EVPL: variants seen among roughly 807,000 people sequenced by gnomAD.
The protein encoded by EVPL is envoplakin.
EVPL carries 94 observed loss-of-function variants against 129.7 expected under a neutral mutation model. That is an observed-to-expected ratio of 0.72 (90% CI 0.61 to 0.86). The LOEUF (loss-of-function observed/expected upper bound fraction) is 0.86. Ranked by LOEUF, EVPL falls within the 40% of genes least tolerant of loss-of-function variation. The pLI, the probability that EVPL is intolerant of heterozygous loss-of-function variation, is 0.00. For missense variants in EVPL, 2,625 were observed against 2,721.1 expected (o/e 0.96, Z 0.79); for synonymous variants, 1,172 against 1,191.1 (o/e 0.98, Z 0.33).
rs142559911 is a variant in EVPL, at chr17:76,013,748, G to A, written c.2373+678C>T. ...CCACCCTGGCTCCTCGTGGGCCTCC[G>A]TGTCTTCATTCCCACCCTCTTAGTC... On this transcript the variant is annotated intron_variant, in intron 18 of 21. Coordinates refer to ENST00000301607, the MANE Select transcript of EVPL (RefSeq NM_001988.4). This position sits in a 1 kb window ranked among gnomAD's most constrained non-coding sequence, Gnocchi z 4.3. Among the ~76,000 whole-genome samples the A allele has an allele frequency of 9.2e-5, 14 of 152,234 alleles. No homozygotes were observed. Among genetic ancestry groups the A allele is most frequent in the African/African-American group, 2.4e-4 (10 of 41,524 alleles).
chr17:76,019,542 G>C lies in EVPL; in HGVS notation c.1123C>G (p.Leu375Val). The part of the protein sequence containing the change: ...GGPPGAPTEL[L>V]QQLEAEEKRL... The stretch of plus-strand genomic sequence containing the variant: ...GGTTGTCTCACCTCCAGCTGTTGCA[G>C]CAGCTCTGTGGGGGCGCCAGGGGGG... The change falls in exon 10 of 22, where the codon CTG becomes GTG. Residue 375 changes from leucine (L) to valine (V), a missense_variant. Around this residue, in one of 4 missense-constraint regions of EVPL, gnomAD observed 1,024 missense variants for 997.5 expected, o/e 1.03. Coordinates refer to ENST00000301607, the MANE Select transcript of EVPL (RefSeq NM_001988.4). 1 of 1,561,666 alleles carries C rather than the reference G, an allele frequency of 6.4e-7. No homozygotes were observed.
chr17:76,017,769 C>A lies in EVPL; in HGVS notation c.1680G>T (p.Glu560Asp), dbSNP rs752772971. ...RAPLSRPTPL[E>D]DLEGRIHSHE... ...GGCTGTGGATGCGGCCCTCCAAGTC[C>A]TCCAAGGGTGTGGGGCGGCTCAGCG... is the stretch of plus-strand genomic sequence containing the variant. The change falls in exon 14 of 22, where the codon GAG (glutamate) becomes GAT (aspartate). Residue 560 changes from glutamate (E) to aspartate (D), a missense_variant. Physicochemically the swap from Glu to Asp is conservative, Grantham distance 45. This residue lies in a region of EVPL where 1,024 missense variants were observed against 997.5 expected (regional missense o/e 1.03). Transcript: ENST00000301607. The A allele has an allele frequency of 1.9e-6, 3 of 1,613,034 alleles. No individual in the cohort carries two copies. Among genetic ancestry groups the A allele is most frequent in the Non-Finnish European group, 2.5e-6 (3 of 1,179,992 alleles).
chr17:76,022,371 C>T lies in EVPL; in HGVS notation c.606+42G>A, dbSNP rs1054375528. The T allele has an allele frequency of 6.2e-7, 1 of 1,611,718 alleles. No individual in the cohort carries two copies. Among genetic ancestry groups the T allele is most frequent in the African/African-American group, 1.3e-5 (1 of 74,906 alleles). On this transcript the variant is annotated intron_variant, in intron 5 of 21. Coordinates refer to ENST00000301607, the MANE Select transcript of EVPL (RefSeq NM_001988.4). This position sits in a 1 kb window ranked among gnomAD's most constrained non-coding sequence, Gnocchi z 5.6. ...CTCCGGCTCTGACTGGAGAAACGGG[C>T]TGGGGCTGGCCCCGGATGTGACATC...
Position 76,022,220 on chromosome 17 carries a change from G to A in EVPL, c.614C>T (p.Ala205Val), listed in dbSNP as rs1343308552. The change falls in exon 6 of 22, where the codon GCC (alanine) becomes GTC (valine). Residue 205 changes from alanine to valine, a missense_variant. Physicochemically the swap from Ala to Val is moderately conservative, Grantham distance 64 (BLOSUM62 0). Around this residue, in one of 4 missense-constraint regions of EVPL, gnomAD observed 1,024 missense variants for 997.5 expected, o/e 1.03. Transcript: ENST00000301607. This position sits in a 1 kb window ranked among gnomAD's most constrained non-coding sequence, Gnocchi z 5.6. Reference sequence around the variant, plus strand: ...GTCTCGGTATTGGCTCCGGATGGTGGCTGCATCCTGCCTCGACCAAGGGGA... The same window carrying A: ...GTCTCGGTATTGGCTCCGGATGGTGACTGCATCCTGCCTCGACCAAGGGGA... ...QLRSLVGPDA[A>V]TIRSQYRDLL... The A allele has an allele frequency of 6.2e-7, 1 of 1,613,236 alleles. No homozygotes were observed. Among genetic ancestry groups the A allele is most frequent in the Non-Finnish European group, 8.5e-7 (1 of 1,179,884 alleles).
rs755416190 is a variant in EVPL, at chr17:76,011,810, G to A, written c.2530C>T (p.Pro844Ser). The A allele has an allele frequency of 3.1e-6, 5 of 1,612,512 alleles. No individual in the cohort carries two copies. In the South Asian group the frequency reaches 5.5e-5, roughly 18 times the overall value. Residue 844 changes from proline (P) to serine (S), a missense_variant, in exon 20 of 22, where the codon CCC (proline) becomes TCC (serine). Physicochemically the swap from Pro to Ser is moderately conservative, Grantham distance 74. Transcript: ENST00000301607. Reference protein sequence around the residue: ...PTLAVSAPKRPRVAPLQESIQ... With the variant: ...PTLAVSAPKRSRVAPLQESIQ... ...CTCTCTTGCAGGGGAGCCACTCGGG[G>A]TCTCTTGGGGGCTGACACTGCCAGG...
Position 76,024,062 on chromosome 17 carries a change from C to T in EVPL, c.157G>A (p.Val53Met), listed in dbSNP as rs1399270601. The T allele has an allele frequency of 6.2e-7, 1 of 1,613,954 alleles. No homozygotes were observed. The change falls in exon 2 of 22, where the codon GTG becomes ATG. Residue 53 changes from valine (V) to methionine (M), a missense_variant. Around this residue, in one of 4 missense-constraint regions of EVPL, gnomAD observed 139 missense variants for 186.8 expected, o/e 0.74. Transcript: ENST00000301607. The surrounding 1 kb of genome is among the most constrained non-coding windows in gnomAD (Gnocchi z 4.5). ...ISRMQANADQVERDILETQKR... is the reference protein window; with the variant it reads ...ISRMQANADQMERDILETQKR... ...TGCGTCTCCAGGATGTCCCGCTCCACCTGGTCGGCGTTGGCTTGCATGCGG... is the reference window on the plus strand; with the variant it reads ...TGCGTCTCCAGGATGTCCCGCTCCATCTGGTCGGCGTTGGCTTGCATGCGG...
In EVPL at chr17:76,009,640, T is replaced by C. The variant is rs148648557; in HGVS notation, c.3565A>G (p.Lys1189Glu). 497 of 1,613,868 alleles carry C rather than the reference T, an allele frequency of 3.1e-4. 2 individuals are homozygous for C. In the African/African-American group the frequency reaches 6.0e-3, roughly 20 times the overall value. The change falls in exon 22 of 22, where the codon AAA (lysine) becomes GAA (glutamate). Residue 1189 changes from lysine to glutamate, a missense_variant. By Grantham distance (56) the Lys-to-Glu change is moderately conservative. Coordinates refer to ENST00000301607, the MANE Select transcript of EVPL (RefSeq NM_001988.4). This position sits in a 1 kb window ranked among gnomAD's most constrained non-coding sequence, Gnocchi z 5.9. ...TGGACGCGCTCCTGGAGCTGCACTT[T>C]GGGCCTCTGCTTCTCCACCACGCTG... is the stretch of plus-strand genomic sequence containing the variant. ...KYSVVEKQRP[K>E]VQLQERVHEI...
rs1032819843 is a variant in EVPL at position 76,013,912 on chromosome 17, C to T, written c.2373+514G>A. 1.3e-5 allele frequency among the ~76,000 whole-genome samples: 2 copies of T among 152,124 alleles called. No homozygotes were observed. Among genetic ancestry groups the T allele is most frequent in the Admixed American group, 6.5e-5 (1 of 15,280 alleles). On this transcript the variant is annotated intron_variant, in intron 18 of 21. Coordinates refer to ENST00000301607, the MANE Select transcript of EVPL (RefSeq NM_001988.4). This position sits in a 1 kb window ranked among gnomAD's most constrained non-coding sequence, Gnocchi z 4.3. ...GGCCTGTGTGGTCTGCCCATCTGGT[C>T]GCCCTCGCCCCTGAGTCCCCCTCCT...
In EVPL at chr17:76,022,532, C is replaced by T. The variant is rs1380891340; in HGVS notation, c.487G>A (p.Val163Ile). The change falls in exon 5 of 22, where the codon GTC becomes ATC. Residue 163 changes from valine (V) to isoleucine (I), a missense_variant. By Grantham distance (29) the Val-to-Ile change is conservative (BLOSUM62 3). Around this residue, in one of 4 missense-constraint regions of EVPL, gnomAD observed 1,024 missense variants for 997.5 expected, o/e 1.03. Transcript: ENST00000301607. The surrounding 1 kb of genome is among the most constrained non-coding windows in gnomAD (Gnocchi z 5.6). ...ARVLEQKQKQ[V>I]CAGQYGPGMA... Reference sequence around the variant, plus strand: ...CCCGGCCCGTACTGGCCTGCGCAGACCTGCTTCTGCAGGAGAGCCGGCGGC... The same window carrying T: ...CCCGGCCCGTACTGGCCTGCGCAGATCTGCTTCTGCAGGAGAGCCGGCGGC... The T allele has an allele frequency of 3.1e-6, 5 of 1,605,678 alleles. No individual in the cohort carries two copies. In the East Asian group the frequency reaches 9.0e-5, roughly 29 times the overall value.
Position 76,015,060 on chromosome 17 carries a change from T to G in EVPL, c.2078A>C (p.His693Pro), listed in dbSNP as rs764362285. 1.9e-6 allele frequency: 3 copies of G among 1,585,072 alleles called. No individual in the cohort carries two copies. The highest frequency in any genetic ancestry group is 3.3e-5 in the Admixed American group (2 of 59,788). Residue 693 changes from histidine to proline, a missense_variant, in exon 17 of 22, where the codon CAC (histidine) becomes CCC (proline). His to Pro is a moderately conservative substitution (Grantham distance 77, BLOSUM62 -2). Around this residue, in one of 4 missense-constraint regions of EVPL, gnomAD observed 1,024 missense variants for 997.5 expected, o/e 1.03. Transcript: ENST00000301607. Reference protein sequence around the residue: ...LEQQTCVLRLHRALKASEHAC... With the variant: ...LEQQTCVLRLPRALKASEHAC... ...GTGCTCCGAGGCCTTCAGCGCGCGG[T>G]GTAGCCGCAGCACGCAGGTCTGCTG... is the stretch of plus-strand genomic sequence containing the variant.
chr17:76,009,087 T>C lies in EVPL; in HGVS notation c.4118A>G (p.Gln1373Arg), dbSNP rs1162383471. 6 of 1,613,452 alleles carry C rather than the reference T, an allele frequency of 3.7e-6. No homozygotes were observed. The highest frequency in any genetic ancestry group is 3.4e-6 in the Non-Finnish European group (4 of 1,179,596). Reference protein sequence around the residue: ...RRKPEEKVVVQEVVVTQKDPK... With the variant: ...RRKPEEKVVVREVVVTQKDPK... The stretch of plus-strand genomic sequence containing the variant: ...GTCCTTCTGGGTGACCACCACCTCC[T>C]GCACCACCACCTTCTCCTCGGGCTT... The change falls in exon 22 of 22, where the codon CAG (glutamine) becomes CGG (arginine). Residue 1373 changes from glutamine to arginine, a missense_variant. Around this residue, in one of 4 missense-constraint regions of EVPL, gnomAD observed 1,453 missense variants for 1,511.8 expected, o/e 0.96. Coordinates refer to ENST00000301607, the MANE Select transcript of EVPL (RefSeq NM_001988.4). The surrounding 1 kb of genome is among the most constrained non-coding windows in gnomAD (Gnocchi z 5.9).
rs748121990 is a variant in EVPL, at chr17:76,008,339, C to T, written c.4866G>A (p.Gln1622=). ...QLQEESKLLS[Q]KTESERQKAA... ...CCTTCTGTCGCTCGCTCTCCGTCTT[C>T]TGGCTGAGCAGCTTCGACTCCTCCT... Residue 1622 remains glutamine (Q), a synonymous_variant, in exon 22 of 22, where the codon CAG becomes CAA. Transcript: ENST00000301607. The surrounding 1 kb of genome is among the most constrained non-coding windows in gnomAD (Gnocchi z 7.4). 52 of 1,605,308 alleles carry T rather than the reference C, an allele frequency of 3.2e-5. No homozygotes were observed. Among genetic ancestry groups the T allele is most frequent in the Non-Finnish European group, 4.3e-5 (51 of 1,179,780 alleles).
intron 21 of EVPL, 28 bp downstream of exon 21, chr17:76,011,548 G>T: frequency 6.3e-7 from 1 of 1,590,230 alleles, no homozygotes; most frequent in South Asian, 1.1e-5. Flanking sequence ...TGGCTATTGT[G>T]GGAAAGCTGT....
Position 76,022,353 on chromosome 17 carries a change from T to A in EVPL, c.606+60A>T. 5 of 1,609,758 alleles carry A rather than the reference T, an allele frequency of 3.1e-6. No homozygotes were observed. Among genetic ancestry groups the A allele is most frequent in the Non-Finnish European group, 4.2e-6 (5 of 1,178,092 alleles). ...AGGGCCCAGCCGATCTAGCTCCGGC[T>A]CTGACTGGAGAAACGGGCTGGGGCT... On this transcript the variant is annotated intron_variant, in intron 5 of 21. Transcript: ENST00000301607. The surrounding 1 kb of genome is among the most constrained non-coding windows in gnomAD (Gnocchi z 5.6).
chr17:76,021,940 TGCTCAGCCAGGGC>T lies in EVPL; in HGVS notation c.721_733del (p.Ala241SerfsTer33), dbSNP rs1242471583. On this transcript the variant is annotated frameshift_variant, in exon 7 of 22. Coordinates refer to ENST00000301607, the MANE Select transcript of EVPL (RefSeq NM_001988.4). LOFTEE classifies it high-confidence loss of function. ...GTCCTGCTGCAGGATGCGGCGCTGCTGCTCAGCCAGGGCGCTCAGCTGCCGCGTGCAGCCCTGG... is the reference window on the plus strand; with the variant it reads ...GTCCTGCTGCAGGATGCGGCGCTGCTGCTCAGCTGCCGCGTGCAGCCCTGG... 1 of 1,559,542 alleles carries T rather than the reference TGCTCAGCCAGGGC, an allele frequency of 6.4e-7. No individual in the cohort carries two copies. The highest frequency in any genetic ancestry group is 2.4e-5 in the East Asian group (1 of 42,178).
rs1349186687 is a variant in EVPL at position 76,021,664 on chromosome 17, C to T, written c.915+10G>A. 6.2e-7 allele frequency: 1 copy of T among 1,604,066 alleles called. No individual in the cohort carries two copies. Among genetic ancestry groups the T allele is most frequent in the South Asian group, 1.1e-5 (1 of 89,768 alleles). On this transcript the variant is annotated intron_variant, in intron 8 of 21. Transcript: ENST00000301607. ...ACGTCCCTTCTCACTCTCGCCCTGC[C>T]CCAGCGCACCTGGATGGGCCCCACC...
Position 76,014,576 on chromosome 17 carries a change from C to A in EVPL, c.2223G>T (p.Arg741=). 3.1e-6 allele frequency: 5 copies of A among 1,611,598 alleles called. No homozygotes were observed. The highest frequency in any genetic ancestry group is 1.3e-5 in the African/African-American group (1 of 74,906). The change falls in exon 18 of 22, where the codon CGG becomes CGT. Residue 741 remains arginine (R), a splice_region_variant and synonymous_variant. Transcript: ENST00000301607. ...GGGCGGCATCCTGCACCACCTTCTC[C>A]CTGCAGGAGGACGAGGCCCAGAACA... The part of the protein sequence containing the change: ...YHAVGDQLDL[R]EKVVQDAALT...
Position 76,007,706 on chromosome 17 carries a change from T to G in EVPL, c.5499A>C (p.Thr1833=), listed in dbSNP as rs1219466389. The change falls in exon 22 of 22, where the codon ACA becomes ACC. Residue 1833 remains threonine (T), a synonymous_variant. Coordinates refer to ENST00000301607, the MANE Select transcript of EVPL (RefSeq NM_001988.4). The surrounding 1 kb of genome is among the most constrained non-coding windows in gnomAD (Gnocchi z 8.8). ...TGATGCTGCACTTGTTGTCTGTGGT[T>G]GTGTCATAGATCCCGGCGATAGGGA... ...DSFPIAGIYD[T]TTDNKCSIKT... The G allele has an allele frequency of 1.9e-6, 3 of 1,613,300 alleles. No homozygotes were observed. The highest frequency in any genetic ancestry group is 2.5e-6 in the Non-Finnish European group (3 of 1,179,598).
intron 21 of EVPL, among the ~76,000 whole-genome samples, chr17:76,010,924 T>G (rs933614564): frequency 3.3e-5 from 5 of 152,108 alleles, no homozygotes; most frequent in Non-Finnish European, 7.4e-5. Flanking sequence ...TAGCTGGGCG[T>G]GGTGACGCAT....
Sources: allele counts gnomAD v4.1 joint callset (sites outside exome capture counted in the v4.1 genomes callset), GRCh38; gene constraint gnomAD v4.1.1; regional missense constraint gnomAD v4.1.1; non-coding constraint Gnocchi (gnomAD v3.1); transcripts MANE v1.5; gene names NCBI Gene and HGNC (gene_info 2026-07-23, HGNC 2026-07-21).